The following SUSD1 variants were observed in gnomAD, a reference collection of about 807,000 sequenced individuals.
SUSD1 encodes sushi domain containing 1.
SUSD1 carries 65 observed loss-of-function variants against 86.9 expected under a neutral mutation model. The observed-to-expected ratio is 0.75, with a 90% confidence interval of 0.61 to 0.92. The LOEUF is 0.92. Among genes scored for constraint, SUSD1 ranks in the 40% least tolerant of loss-of-function variants. The pLI, the probability that SUSD1 is intolerant of heterozygous loss-of-function variation, is 0.00. For synonymous variants in SUSD1, 346 were observed against 350.0 expected (o/e 0.99, Z 0.13); for missense variants, 850 against 929.7 (o/e 0.91, Z 1.11).
chr9:112,141,123 G>A (rs1265614629), intron 5 of SUSD1, among the ~76,000 whole-genome samples: 1 of 152,202 alleles, frequency 6.6e-6, no homozygotes, highest in East Asian at 1.9e-4. Context: ...ACACTTTTAT[G>A]TATAGTAATG....
At chr9:112,156,388 G>T (rs918546505) in intron 2 of SUSD1, among the ~76,000 whole-genome samples, 3 of 151,588 alleles carry the variant, frequency 2.0e-5, no homozygotes, top group Middle Eastern at 3.2e-3. Flanking sequence ...CTTGAACCTC[G>T]GAGGCGGAGG....
chr9:112,060,431 T>G (rs1432608035), intron 13 of SUSD1, among the ~76,000 whole-genome samples: 1 of 152,140 alleles, frequency 6.6e-6, no homozygotes, highest in African/African-American at 2.4e-5. Flanking sequence ...CCGGTTAATT[T>G]TTTTTGTATT....
chr9:112,099,015 T>TTCTCTCCCTCTCTC, intron 9 of SUSD1, among the ~76,000 whole-genome samples: 1 of 145,994 alleles, frequency 6.8e-6, no homozygotes, highest in East Asian at 2.0e-4. Flanking sequence ...GAATACTTCG[T>TTCTCTCCCTCTCTC]TCTCTCTCTC....
At chr9:112,174,827 C>T (rs1057214362) in intron 1 of SUSD1, among the ~76,000 whole-genome samples, 1 of 152,092 alleles carries the variant, frequency 6.6e-6, no homozygotes, top group Non-Finnish European at 1.5e-5. Context: ...TCCGCGCTCG[C>T]GCCCAGCCCC....
At chr9:112,053,038 A>G (rs1267810125) in intron 14 of SUSD1, among the ~76,000 whole-genome samples, 1 of 152,156 alleles carries the variant, frequency 6.6e-6, no homozygotes, top group African/African-American at 2.4e-5. Flanking sequence ...ATGCTTATTT[A>G]CCTGTTACAA....
chr9:112,082,300 C>G (rs1401371551), intron 10 of SUSD1, among the ~76,000 whole-genome samples: 1 of 152,184 alleles, frequency 6.6e-6, no homozygotes, highest in Non-Finnish European at 1.5e-5. Context: ...ATGACCCCCA[C>G]CCGCCACCAG....
chr9:112,164,549 A>T (rs1449413367), intron 1 of SUSD1, among the ~76,000 whole-genome samples: 1 of 151,884 alleles, frequency 6.6e-6, no homozygotes, highest in African/African-American at 2.4e-5. Flanking sequence ...TTGTTTCTAA[A>T]AAAAAAAAAG....
At chr9:112,124,106 G>C (rs761249067) in intron 6 of SUSD1, 151 bp downstream of exon 6, 3 of 670,086 alleles carry the variant, frequency 4.5e-6, no homozygotes, top group Non-Finnish European at 7.1e-6. Flanking sequence ...TCAGGATTTA[G>C]CTGACAAATC....
At chr9:112,047,721 G>A (rs1010685475) in intron 15 of SUSD1, among the ~76,000 whole-genome samples, 2 of 152,108 alleles carry the variant, frequency 1.3e-5, no homozygotes, top group Non-Finnish European at 2.9e-5. Context: ...TTATAAAAAT[G>A]AGTCAACTTC....
At chr9:112,164,913 C>A (rs1833715188) in intron 1 of SUSD1, among the ~76,000 whole-genome samples, 1 of 152,222 alleles carries the variant, frequency 6.6e-6, no homozygotes, top group Non-Finnish European at 1.5e-5. Context: ...CACTGGCACT[C>A]CAGCCTGGGC....
intron 5 of SUSD1, among the ~76,000 whole-genome samples, chr9:112,134,143 G>A (rs532364778): frequency 6.6e-6 from 1 of 152,258 alleles, no homozygotes; most frequent in African/African-American, 2.4e-5. Context: ...AGCCACTGTG[G>A]AAAGTAATTT....
intron 2 of SUSD1, among the ~76,000 whole-genome samples, chr9:112,152,076 G>A (rs557794700): frequency 3.3e-5 from 5 of 150,842 alleles, no homozygotes; most frequent in Non-Finnish European, 4.4e-5. Flanking sequence ...GGTGGTGCAC[G>A]CCTGTAATCC....
intron 10 of SUSD1, among the ~76,000 whole-genome samples, chr9:112,081,210 G>A (rs773602025): frequency 1.4e-4 from 21 of 152,176 alleles, no homozygotes; most frequent in Non-Finnish European, 2.5e-4. Context: ...GATGATTAAC[G>A]AGTGATAAAG....
At chr9:112,048,494 C>G (rs1564242980) in intron 15 of SUSD1, among the ~76,000 whole-genome samples, 1 of 152,114 alleles carries the variant, frequency 6.6e-6, no homozygotes, top group Non-Finnish European at 1.5e-5. Flanking sequence ...AAGTATTGCA[C>G]CTCCTATGCT....
At chr9:112,105,835 C>T (rs544730046) in intron 8 of SUSD1, among the ~76,000 whole-genome samples, 3 of 152,230 alleles carry the variant, frequency 2.0e-5, no homozygotes, top group African/African-American at 7.2e-5. Context: ...GTGTCACTTT[C>T]GAATTCCCAA....
At chr9:112,052,537 A>C in intron 14 of SUSD1, 99 bp from the exon 15 acceptor site, 1 of 1,330,072 alleles carries the variant, frequency 7.5e-7, no homozygotes, top group Non-Finnish European at 1.1e-6. Context: ...CAGCTTTTTC[A>C]ATCTCTTAAT....
intron 2 of SUSD1, among the ~76,000 whole-genome samples, chr9:112,153,418 G>A (rs1833151099): frequency 6.6e-6 from 1 of 152,068 alleles, no homozygotes; most frequent in South Asian, 2.1e-4. Flanking sequence ...GAGCATACAT[G>A]GAGCTGTCAT....
intron 1 of SUSD1, among the ~76,000 whole-genome samples, chr9:112,163,412 C>T (rs898554093): frequency 4.6e-5 from 7 of 151,928 alleles, no homozygotes; most frequent in Non-Finnish European, 8.8e-5. Flanking sequence ...AATAATCCTC[C>T]TACCTCAGCC....
chr9:112,106,832 A>G (rs995830203), intron 8 of SUSD1, among the ~76,000 whole-genome samples: 3 of 150,508 alleles, frequency 2.0e-5, no homozygotes, highest in African/African-American at 4.9e-5. Flanking sequence ...AAAAAGAAAT[A>G]CACACTCAAA....
Sources: gnomAD v4.1 joint callset for allele counts (sites outside exome capture counted in the v4.1 genomes callset) on GRCh38, gnomAD v4.1.1 for gene constraint, MANE v1.5 for transcripts, NCBI Gene and HGNC (gene_info 2026-07-23, HGNC 2026-07-21) for gene names.